Variants in FBN3 observed in about 807,000 individuals in gnomAD.
FBN3 encodes the protein fibrillin-3.
FBN3 carries 234 observed loss-of-function variants against 330.1 expected under a neutral mutation model. The observed-to-expected ratio is 0.71, with a 90% CI of 0.64 to 0.79. The LOEUF (loss-of-function observed/expected upper bound fraction) is 0.79, where lower values mean the gene tolerates loss of function less well. FBN3 is among the 30% of genes least tolerant of loss of function. FBN3 has a pLI of 0.00. For synonymous variants in FBN3, 1,458 were observed against 1,517.3 expected (o/e 0.96, Z 0.91); for missense variants, 3,606 against 3,886.9 (o/e 0.93, Z 1.92).
Position 8,109,391 on chromosome 19 carries a change from G to C in FBN3, c.4457-3C>G. The C allele has an allele frequency of 1.2e-6, 2 of 1,614,182 alleles. No individual in the cohort carries two copies. Among genetic ancestry groups the C allele is most frequent in the South Asian group, 2.2e-5 (2 of 91,076 alleles). ...GAAACAGTTCCCGGCCCGAGTGTCT[G>C]AACAGGCAGAAGGGGATGGTTAGTA... On this transcript the variant is annotated splice_region_variant and splice_polypyrimidine_tract_variant and intron_variant, in intron 35 of 63. Coordinates refer to ENST00000600128, the MANE Select transcript of FBN3 (RefSeq NM_032447.5). The surrounding 1 kb of genome is among the most constrained non-coding windows in gnomAD (Gnocchi z 5.2).
At position 8,131,133 on chromosome 19, in the gene FBN3, T is replaced by C; in HGVS notation, c.2044+102A>G. ...AGCCGTCTGGTCTGGGGCACTTTGTTACGGGAACCCCGGGCCAACTCCTAC... is the reference window on the plus strand; with the variant it reads ...AGCCGTCTGGTCTGGGGCACTTTGTCACGGGAACCCCGGGCCAACTCCTAC... On this transcript the variant is annotated intron_variant, in intron 16 of 63. Transcript: ENST00000600128. This position sits in a 1 kb window ranked among gnomAD's most constrained non-coding sequence, Gnocchi z 4.5. 8.9e-7 allele frequency: 1 copy of C among 1,126,386 alleles called. No individual in the cohort carries two copies. 69.8% of individuals were successfully genotyped at this position (1,126,386 alleles called of 1,614,324 possible). A position where few individuals can be genotyped will look rare whatever the true frequency, so the allele number is the denominator to read the frequency against.
rs61729592 is a variant in FBN3 at position 8,131,761 on chromosome 19, G to A, written c.1783C>T (p.Arg595Cys). The A allele has an allele frequency of 4.4e-4, 706 of 1,613,226 alleles. 3 individuals are homozygous for A. The African/African-American group carries it at 6.4e-3, about 15-fold the overall frequency. ...GCCAGCCCCCCCAGGCACTGGCAGC[G>A]GAAGGAGCCCTCGGTGTTGGTACAG... ...GHCTNTEGSF[R>C]CQCLGGLAVG... Residue 595 changes from arginine (R) to cysteine (C), a missense_variant, in exon 15 of 64, where the codon CGC becomes TGC. Arg to Cys is a radical substitution (Grantham distance 180). Transcript: ENST00000600128. This position sits in a 1 kb window ranked among gnomAD's most constrained non-coding sequence, Gnocchi z 4.5.
In FBN3 at chr19:8,128,883, A is replaced by G. The variant is rs2083057897; in HGVS notation, c.2296+145T>C. Reference sequence around the variant, plus strand: ...AGCGTGTGCATATATGTGTGTGTGCACACTACATATAGCATGCGTGTGTGA... The same window carrying G: ...AGCGTGTGCATATATGTGTGTGTGCGCACTACATATAGCATGCGTGTGTGA... On this transcript the variant is annotated intron_variant, in intron 18 of 63. Coordinates refer to ENST00000600128, the MANE Select transcript of FBN3 (RefSeq NM_032447.5). 5 of 972,576 alleles carry G rather than the reference A, an allele frequency of 5.1e-6. No homozygotes were observed. In the East Asian group the frequency reaches 1.3e-4, roughly 26 times the overall value. The allele number at this position is 972,576 out of a possible 1,614,324, so 60.2% of individuals were successfully genotyped here. A position where few individuals can be genotyped will look rare whatever the true frequency, so the allele number is the denominator to read the frequency against.
chr19:8,088,209 C>T, intron 51 of FBN3, 30 bp from the exon 52 acceptor site: 2 of 1,559,764 alleles, frequency 1.3e-6, no homozygotes, highest in Non-Finnish European at 8.7e-7. Context: ...TGGTCAGCAC[C>T]TGCAGAGGGT....
intron 40 of FBN3, 29 bp from the exon 41 acceptor site, chr19:8,101,001 G>C: frequency 6.3e-7 from 1 of 1,594,548 alleles, no homozygotes; most frequent in African/African-American, 1.3e-5. Context: ...AGCTGAGTCT[G>C]GGGCTGCAGG....
At chr19:8,108,291 G>C in intron 36 of FBN3, 53 bp from the exon 37 acceptor site, 1 of 1,430,670 alleles carries the variant, frequency 7.0e-7, no homozygotes, top group Non-Finnish European at 9.7e-7. Context: ...AAAGCTTAGG[G>C]GAAACAGGGG....
At position 8,089,679 on chromosome 19, in the gene FBN3, G is replaced by A. The variant is rs1283053873; in HGVS notation, c.6251-9C>T. 2 of 1,613,778 alleles carry A rather than the reference G, an allele frequency of 1.2e-6. No homozygotes were observed. Among genetic ancestry groups the A allele is most frequent in the South Asian group, 1.1e-5 (1 of 91,002 alleles). Reference sequence around the variant, plus strand: ...TGCACACTCATTCACGTCTGCGGATGGCAGGCGTTGCAGACATGGCTTCTG... The same window carrying A: ...TGCACACTCATTCACGTCTGCGGATAGCAGGCGTTGCAGACATGGCTTCTG... On this transcript the variant is annotated splice_polypyrimidine_tract_variant and intron_variant, in intron 50 of 63. Transcript: ENST00000600128.
chr19:8,088,247 C>G, intron 51 of FBN3, 68 bp from the exon 52 acceptor site: 1 of 1,520,996 alleles, frequency 6.6e-7, no homozygotes, highest in Non-Finnish European at 8.8e-7. Flanking sequence ...ATCCCATCTG[C>G]CTGCCTGTTG....
At chr19:8,128,866 CAT>C (rs2083057043) in intron 18 of FBN3, among the ~76,000 whole-genome samples, 160 bp downstream of exon 18, 1 of 151,590 alleles carries the variant, frequency 6.6e-6, no homozygotes, top group African/African-American at 2.4e-5. Context: ...TGAGCGTGTG[CAT>C]ATATGTGTGT....
intron 54 of FBN3, 70 bp downstream of exon 54, chr19:8,087,007 A>G (rs2081978054): frequency 6.5e-7 from 1 of 1,549,172 alleles, no homozygotes; most frequent in Non-Finnish European, 8.6e-7. Flanking sequence ...TGCCCGGTCC[A>G]ACCCTCTTGC....
At chr19:8,100,415 G>A (rs563015961) in intron 41 of FBN3, among the ~76,000 whole-genome samples, 1 of 151,714 alleles carries the variant, frequency 6.6e-6, no homozygotes, top group East Asian at 1.9e-4. Flanking sequence ...TCGGCTCACT[G>A]CAACCTTTGC....
chr19:8,119,146 A>G lies in FBN3; in HGVS notation c.3212-124T>C, dbSNP rs571627732. The stretch of plus-strand genomic sequence containing the variant: ...CCCCTTCACCCCAGCGGGAGCCAGG[A>G]GAGCCTGGAGGCTCCGGGTTGGGAT... On this transcript the variant is annotated intron_variant, in intron 25 of 63. Transcript: ENST00000600128. The G allele has an allele frequency of 2.5e-6, 3 of 1,180,358 alleles. No homozygotes were observed. The East Asian group carries it at 7.8e-5, about 31-fold the overall frequency. The allele number at this position is 1,180,358 out of a possible 1,614,324, so 73.1% of individuals were successfully genotyped here.
At position 8,087,854 on chromosome 19, in the gene FBN3, G is replaced by T. The variant is rs760391174; in HGVS notation, c.6590C>A (p.Thr2197Asn). 17 of 1,614,130 alleles carry T rather than the reference G, an allele frequency of 1.1e-5. No individual in the cohort carries two copies. The highest frequency in any genetic ancestry group is 3.3e-5 in the South Asian group (3 of 91,086). ...ACACATGGCCCCATCCTCCCGCAGG[G>T]TGTAGCCGGCTGGACAGGTGCACAG... The part of the protein sequence containing the change: ...SYLCTCPAGY[T>N]LREDGAMCRD... The change falls in exon 53 of 64, where the codon ACC becomes AAC. Residue 2197 changes from threonine to asparagine, a missense_variant. Transcript: ENST00000600128.
chr19:8,097,298 C>T lies in FBN3; in HGVS notation c.5278G>A (p.Ala1760Thr). ...CAGGGAGAGGTGGCACCTTCACAAG[C>T]CAGCAGGATGCTGTTGTAGTTGAAG... is the stretch of plus-strand genomic sequence containing the variant. ...AGFNYNSILL[A>T]CEDVDECGSR... The change falls in exon 42 of 64, where the codon GCT (alanine) becomes ACT (threonine). Residue 1760 changes from alanine (A) to threonine (T), a missense_variant. By Grantham distance (58) the Ala-to-Thr change is moderately conservative (BLOSUM62 0). Coordinates refer to ENST00000600128, the MANE Select transcript of FBN3 (RefSeq NM_032447.5). The T allele has an allele frequency of 6.2e-7, 1 of 1,605,594 alleles. No individual in the cohort carries two copies. The highest frequency in any genetic ancestry group is 1.1e-5 in the South Asian group (1 of 90,460).
chr19:8,126,368 G>C (rs200230455), intron 20 of FBN3, 21 bp from the exon 21 acceptor site: 1 of 1,584,904 alleles, frequency 6.3e-7, no homozygotes, highest in Non-Finnish European at 8.6e-7. Flanking sequence ...GAGAACAAGA[G>C]TGAAGAGAGG....
chr19:8,073,348 A>C, intron 61 of FBN3, 51 bp from the exon 62 acceptor site: 1 of 1,455,480 alleles, frequency 6.9e-7, no homozygotes, highest in Non-Finnish European at 9.5e-7. Flanking sequence ...GGGGCAGTGC[A>C]GCCTTCACAC....
intron 55 of FBN3, 90 bp downstream of exon 55, chr19:8,086,110 C>T: frequency 2.3e-6 from 2 of 875,336 alleles, no homozygotes; most frequent in Non-Finnish European, 1.6e-6. Flanking sequence ...AGGGGGCAGG[C>T]AGTGGGGGGA....
In FBN3 at chr19:8,147,414, G is replaced by C. The variant is rs1421663487; in HGVS notation, c.67C>G (p.Leu23Val). ...LARLLLAWSA[L>V]LCMAGGQGRW... is the part of the protein sequence containing the mutation. ...CCTTGGCCACCTGCCATGCACAACA[G>C]GGCCGACCAGGCCAGCAGGAGCCGG... The change falls in exon 2 of 64, where the codon CTG (leucine) becomes GTG (valine). Residue 23 changes from leucine (L) to valine (V), a missense_variant. Leu to Val is a conservative substitution (Grantham distance 32). Transcript: ENST00000600128. The C allele has an allele frequency of 5.0e-6, 8 of 1,592,640 alleles. No homozygotes were observed. The highest frequency in any genetic ancestry group is 6.0e-6 in the Non-Finnish European group (7 of 1,171,022).
intron 59 of FBN3, among the ~76,000 whole-genome samples, chr19:8,078,859 G>C (rs904768531): frequency 6.7e-6 from 1 of 149,396 alleles, no homozygotes; most frequent in Non-Finnish European, 1.5e-5. Flanking sequence ...ACTGCTCACT[G>C]CAGCCTCAAC....
Sources: allele counts gnomAD v4.1 joint callset (sites outside exome capture counted in the v4.1 genomes callset), GRCh38; gene constraint gnomAD v4.1.1; non-coding constraint Gnocchi (gnomAD v3.1); transcripts MANE v1.5; gene names NCBI Gene and HGNC (gene_info 2026-07-23, HGNC 2026-07-21).